Variants in FHOD3 observed in about 807,000 individuals in gnomAD.
FHOD3 encodes FH1/FH2 domain-containing protein 3.
A neutral mutation model predicts 173.0 loss-of-function variants in FHOD3; 90 were observed. The observed-to-expected ratio is 0.52, with a 90% CI of 0.44 to 0.62. The LOEUF is 0.62. Among genes scored for constraint, FHOD3 ranks in the 20% least tolerant of loss-of-function variants. FHOD3 has a pLI of 0.00. For missense variants in FHOD3, 1,945 were observed against 2,034.7 expected (o/e 0.96, Z 0.85); for synonymous variants, 828 against 823.0 (o/e 1.01, Z -0.10).
chr18:36,575,992 T>A (rs1398378101), intron 5 of FHOD3, among the ~76,000 whole-genome samples: 1 of 152,222 alleles, frequency 6.6e-6, no homozygotes, highest in African/African-American at 2.4e-5. Context: ...AAAATTGGAT[T>A]AACCCAGGAT....
At chr18:36,628,064 A>G (rs1168939057) in intron 10 of FHOD3, among the ~76,000 whole-genome samples, 1 of 152,210 alleles carries the variant, frequency 6.6e-6, no homozygotes, top group Admixed American at 6.5e-5. Flanking sequence ...CAACTTTTGT[A>G]AAGAAGGGAG....
chr18:36,464,047 A>G (rs1398747574), intron 3 of FHOD3, among the ~76,000 whole-genome samples: 2 of 152,214 alleles, frequency 1.3e-5, no homozygotes, highest in Non-Finnish European at 2.9e-5. Context: ...CAATGAGATT[A>G]AATAGGAGAA....
At chr18:36,548,483 T>C (rs12962850) in intron 5 of FHOD3, among the ~76,000 whole-genome samples, 2,983 of 152,276 alleles carry the variant, frequency 0.02, 136 homozygotes, top group East Asian at 0.19. Flanking sequence ...CTTGATATGT[T>C]TGGACATACG....
intron 17 of FHOD3, among the ~76,000 whole-genome samples, chr18:36,707,572 G>C (rs572291320): frequency 4.6e-5 from 7 of 152,280 alleles, no homozygotes; most frequent in Admixed American, 3.3e-4. Flanking sequence ...ATGAAGGATT[G>C]GGGGGTGATG....
At chr18:36,715,472 A>G (rs761150792) in intron 18 of FHOD3, among the ~76,000 whole-genome samples, 1 of 152,188 alleles carries the variant, frequency 6.6e-6, no homozygotes, top group Admixed American at 6.5e-5. Flanking sequence ...GCAGCCCTTT[A>G]TAGCAGCATG....
chr18:36,640,065 G>A (rs1175399425), intron 10 of FHOD3, among the ~76,000 whole-genome samples: 1 of 152,068 alleles, frequency 6.6e-6, no homozygotes, highest in African/African-American at 2.4e-5. Context: ...AAACAAAATA[G>A]CAAAATAATG....
At chr18:36,543,452 G>C (rs2057300822) in intron 5 of FHOD3, among the ~76,000 whole-genome samples, 1 of 152,102 alleles carries the variant, frequency 6.6e-6, no homozygotes, top group Admixed American at 6.5e-5. Context: ...TGGCCTGGTT[G>C]GACCATACGC....
intron 3 of FHOD3, among the ~76,000 whole-genome samples, chr18:36,389,647 C>T (rs144985678): frequency 1.3e-5 from 2 of 152,202 alleles, no homozygotes; most frequent in East Asian, 3.9e-4. Flanking sequence ...TATGTATAGA[C>T]CCTAAAATGA....
intron 5 of FHOD3, among the ~76,000 whole-genome samples, chr18:36,568,185 T>A (rs28633270): frequency 0.2 from 3,029 of 15,158 alleles, 110 homozygotes; most frequent in African/African-American, 0.3. Context: ...AAAAAAAAAA[T>A]AAATTAGCCA....
At chr18:36,335,233 C>T (rs1345185089) in intron 1 of FHOD3, among the ~76,000 whole-genome samples, 1 of 152,134 alleles carries the variant, frequency 6.6e-6, no homozygotes, top group Non-Finnish European at 1.5e-5. Flanking sequence ...CGGTGGCTCA[C>T]GCCTGTAATC....
At chr18:36,431,208 A>G (rs1212601348) in intron 3 of FHOD3, among the ~76,000 whole-genome samples, 2 of 152,248 alleles carry the variant, frequency 1.3e-5, no homozygotes, top group Non-Finnish European at 2.9e-5. Flanking sequence ...TTAGTTGACT[A>G]CATTTATAGA....
chr18:36,434,064 G>C (rs913675784), intron 3 of FHOD3, among the ~76,000 whole-genome samples: 3 of 152,172 alleles, frequency 2.0e-5, no homozygotes, highest in Non-Finnish European at 2.9e-5. Flanking sequence ...TTCCTGATTA[G>C]ATTAGATTAG....
rs551670011 is a variant in FHOD3, at chr18:36,538,567, C to G, written c.511+26024C>G. Among the ~76,000 whole-genome samples, 5 of 152,230 alleles carry G rather than the reference C, an allele frequency of 3.3e-5. No homozygotes were observed. The East Asian group carries it at 9.6e-4, about 29-fold the overall frequency. ...CTTTGACTACTTTAATGGAATGTACCAATTGTCCCTCAGTAGGTTAATGGT... is the reference window on the plus strand; with the variant it reads ...CTTTGACTACTTTAATGGAATGTACGAATTGTCCCTCAGTAGGTTAATGGT... On this transcript the variant is annotated intron_variant, in intron 5 of 28. Transcript: ENST00000590592.
intron 21 of FHOD3, among the ~76,000 whole-genome samples, chr18:36,741,476 A>G (rs991901834): frequency 3.9e-5 from 6 of 152,188 alleles, no homozygotes; most frequent in African/African-American, 2.4e-5. Flanking sequence ...GAGAGATTCT[A>G]TAGCCCAGGT....
chr18:36,366,592 A>G (rs2046909783), intron 2 of FHOD3, among the ~76,000 whole-genome samples: 1 of 152,120 alleles, frequency 6.6e-6, no homozygotes, highest in Non-Finnish European at 1.5e-5. Context: ...ATGTTTTTCT[A>G]CCTCTACAGT....
intron 5 of FHOD3, among the ~76,000 whole-genome samples, chr18:36,527,655 A>G (rs372125038): frequency 1.1e-4 from 16 of 152,192 alleles, no homozygotes; most frequent in African/African-American, 3.6e-4. Context: ...CATGCTGAGC[A>G]CCTTTGAGCT....
At chr18:36,414,227 G>A (rs905591207) in intron 3 of FHOD3, among the ~76,000 whole-genome samples, 8 of 152,186 alleles carry the variant, frequency 5.3e-5, no homozygotes, top group Non-Finnish European at 1.5e-5. Flanking sequence ...GCATGGATGC[G>A]CCGTGACTTT....
At chr18:36,418,285 G>GT (rs2049782549) in intron 3 of FHOD3, among the ~76,000 whole-genome samples, 3 of 152,218 alleles carry the variant, frequency 2.0e-5, no homozygotes, top group African/African-American at 7.2e-5. Context: ...CTCTGAAAAG[G>GT]AATTTTTTAG....
intron 3 of FHOD3, among the ~76,000 whole-genome samples, chr18:36,399,319 G>A (rs2048696051): frequency 6.6e-6 from 1 of 152,200 alleles, no homozygotes; most frequent in Admixed American, 6.5e-5. Flanking sequence ...TCTGAACACG[G>A]CCATGCAAGG....
Sources: allele counts gnomAD v4.1 joint callset (sites outside exome capture counted in the v4.1 genomes callset), GRCh38; gene constraint gnomAD v4.1.1; transcripts MANE v1.5; gene names NCBI Gene and HGNC (gene_info 2026-07-23, HGNC 2026-07-21).